ME3: variants seen among roughly 807,000 people sequenced by gnomAD.
The protein encoded by ME3 is malic enzyme 3.
A neutral mutation model predicts 68.9 loss-of-function variants in ME3; 48 were observed. The ratio of observed to expected loss-of-function variants is 0.70; its 90% CI spans 0.55 to 0.89. ME3 has a LOEUF of 0.89. ME3 is among the 40% of genes least tolerant of loss of function. The pLI is 0.00. For missense variants in ME3, 675 were observed against 797.4 expected, an observed-to-expected ratio of 0.85 and a Z score of 1.85; for synonymous variants, 320 against 318.8, an observed-to-expected ratio of 1.00 and a Z score of -0.04.
At chr11:86,625,022 C>G (rs878932667) in intron 2 of ME3, among the ~76,000 whole-genome samples, 1 of 152,158 alleles carries the variant, frequency 6.6e-6, no homozygotes, top group Admixed American at 6.6e-5. Context: ...CCTGAAGTAA[C>G]AGAATACCAT....
intron 2 of ME3, among the ~76,000 whole-genome samples, chr11:86,570,964 C>T (rs1427940386): frequency 1.3e-5 from 2 of 152,236 alleles, no homozygotes; most frequent in Non-Finnish European, 2.9e-5. Context: ...TTCTCTGACT[C>T]TGCTGCCTTT....
Position 86,607,697 on chromosome 11 carries a change from G to GTT in ME3, c.184-47876_184-47875dup, listed in dbSNP as rs11388635. On this transcript the variant is annotated intron_variant, in intron 2 of 14. Coordinates refer to ENST00000543262, the Ensembl canonical transcript of ME3. ...CACATCTAGAGATAGGGAAGTCGGT[G>GTT]TTTTTTTTAAAAGAAATATATATAT... Among the ~76,000 whole-genome samples the GTT allele has an allele frequency of 1.5e-4, 20 of 135,068 alleles. 1 individual carries two copies. The highest frequency in any genetic ancestry group is 7.9e-4 in the East Asian group (4 of 5,038). The allele number at this position is 135,068 out of a possible 152,430, so 88.6% of individuals were successfully genotyped here. A position where few individuals can be genotyped will look rare whatever the true frequency, so the allele number is the denominator to read the frequency against.
At chr11:86,602,152 G>A (rs1960794959) in intron 2 of ME3, among the ~76,000 whole-genome samples, 1 of 151,606 alleles carries the variant, frequency 6.6e-6, no homozygotes, top group South Asian at 2.1e-4. Flanking sequence ...TAGGAAAAGA[G>A]GAAGTCAAAT....
intron 2 of ME3, among the ~76,000 whole-genome samples, chr11:86,616,215 G>A (rs1416398149): frequency 4.6e-5 from 7 of 152,108 alleles, no homozygotes; most frequent in Admixed American, 4.6e-4. Context: ...TCCTTTGTTA[G>A]GCATTTGTGC....
intron 4 of ME3, among the ~76,000 whole-genome samples, chr11:86,534,798 C>A (rs1450458024): frequency 1.3e-5 from 2 of 152,174 alleles, no homozygotes; most frequent in African/African-American, 4.8e-5. Flanking sequence ...GTTGAGTGGA[C>A]TTCCACTTGG....
At chr11:86,443,656 C>T (rs975446278) in intron 13 of ME3, among the ~76,000 whole-genome samples, 1 of 152,210 alleles carries the variant, frequency 6.6e-6, no homozygotes, top group Non-Finnish European at 1.5e-5. Flanking sequence ...TTGGGAAATG[C>T]CACTGGTGCT....
intron 7 of ME3, among the ~76,000 whole-genome samples, chr11:86,469,826 G>C (rs561656020): frequency 6.6e-6 from 1 of 152,008 alleles, no homozygotes; most frequent in Non-Finnish European, 1.5e-5. Flanking sequence ...GAGACACAAG[G>C]CTAATGAGTG....
intron 4 of ME3, among the ~76,000 whole-genome samples, chr11:86,529,972 C>T (rs144534063): frequency 6.6e-6 from 1 of 152,112 alleles, no homozygotes; most frequent in Non-Finnish European, 1.5e-5. Context: ...TCTCACCACT[C>T]CTATTCAACA....
At chr11:86,507,265 C>T (rs1179416386) in intron 5 of ME3, among the ~76,000 whole-genome samples, 2 of 152,180 alleles carry the variant, frequency 1.3e-5, no homozygotes, top group Non-Finnish European at 2.9e-5. Context: ...TCTTTGGCAG[C>T]ACAGACACAG....
At chr11:86,559,565 C>T in intron 3 of ME3, 125 bp downstream of exon 3, 1 of 1,206,358 alleles carries the variant, frequency 8.3e-7, no homozygotes, top group African/African-American at 1.5e-5. Context: ...AGGGCTGAGT[C>T]TGGGATCTCT....
Position 86,666,564 on chromosome 11 carries a change from G to T in ME3, c.183+5198C>A, listed in dbSNP as rs988941393. On this transcript the variant is annotated intron_variant, in intron 2 of 14. Transcript: ENST00000543262. Reference sequence around the variant, plus strand: ...AATACTTAGTAATCCTGTGAAGCTAGGACAGTATTCAACAGAGAAAAGTTT... The same window carrying T: ...AATACTTAGTAATCCTGTGAAGCTATGACAGTATTCAACAGAGAAAAGTTT... 5.9e-5 allele frequency among the ~76,000 whole-genome samples: 9 copies of T among 152,312 alleles called. No individual in the cohort carries two copies. In the East Asian group the frequency reaches 1.7e-3, roughly 29 times the overall value.
intron 8 of ME3, 135 bp downstream of exon 8, chr11:86,464,956 A>G (rs1291802955): frequency 1.5e-6 from 1 of 660,126 alleles, no homozygotes; most frequent in African/African-American, 1.8e-5. Context: ...TCTAAGTTTA[A>G]TATTCTTTTT....
At chr11:86,496,023 A>T (rs974765806) in intron 6 of ME3, among the ~76,000 whole-genome samples, 35 of 152,140 alleles carry the variant, frequency 2.3e-4, no homozygotes, top group Admixed American at 1.2e-3. Context: ...AGGTCTGCCC[A>T]CCGTTCCATC....
chr11:86,525,847 G>A (rs1381728691), intron 4 of ME3, among the ~76,000 whole-genome samples: 2 of 138,722 alleles, frequency 1.4e-5, no homozygotes. Context: ...GGGCAACAAG[G>A]GCAAAACTCT....
chr11:86,541,458 G>A (rs975683677), intron 4 of ME3, among the ~76,000 whole-genome samples: 1 of 152,188 alleles, frequency 6.6e-6, no homozygotes, highest in East Asian at 1.9e-4. Flanking sequence ...GAGCTTGATG[G>A]CGGGAGGGGC....
chr11:86,606,937 T>C (rs112606847), intron 2 of ME3, among the ~76,000 whole-genome samples: 2 of 152,346 alleles, frequency 1.3e-5, no homozygotes, highest in African/African-American at 4.8e-5. Context: ...CAGGATTCAA[T>C]GCCAAACTAG....
intron 4 of ME3, among the ~76,000 whole-genome samples, chr11:86,511,457 G>C (rs1222212106): frequency 1.3e-5 from 2 of 152,192 alleles, no homozygotes; most frequent in Non-Finnish European, 2.9e-5. Context: ...GACAGTGAGA[G>C]AAATCTAGCA....
chr11:86,587,653 A>G (rs74715785), intron 2 of ME3, among the ~76,000 whole-genome samples: 9 of 152,180 alleles, frequency 5.9e-5, no homozygotes, highest in Admixed American at 1.3e-4. Flanking sequence ...ACTTCAAAAG[A>G]AAGACAGTAG....
intron 7 of ME3, among the ~76,000 whole-genome samples, chr11:86,480,081 A>G (rs2138867586): frequency 6.6e-6 from 1 of 152,240 alleles, no homozygotes; most frequent in South Asian, 2.1e-4. Context: ...GGCCTCCCAA[A>G]TTGCTGGGAT....
Sources: allele counts gnomAD v4.1 joint callset (sites outside exome capture counted in the v4.1 genomes callset), GRCh38; gene constraint gnomAD v4.1.1; transcripts MANE v1.5; gene names NCBI Gene and HGNC (gene_info 2026-07-23, HGNC 2026-07-21).